TMEM132C: variants seen among roughly 807,000 people sequenced by gnomAD.
TMEM132C encodes transmembrane protein 132C.
TMEM132C carries 29 observed loss-of-function variants against 61.4 expected under a neutral mutation model. The ratio of observed to expected loss-of-function variants is 0.47; its 90% CI spans 0.35 to 0.64. The LOEUF (loss-of-function observed/expected upper bound fraction) is 0.64. TMEM132C is among the 30% of genes least tolerant of loss of function. The probability of loss-of-function intolerance (pLI) is 0.00; values close to 1 mark genes in which losing one functional copy is unlikely to be tolerated. For synonymous variants in TMEM132C, 656 were observed against 633.1 expected (o/e 1.04, Z -0.54); for missense variants, 1,408 against 1,476.9 (o/e 0.95, Z 0.76).
At chr12:128,648,265 C>T (rs1462467725) in intron 4 of TMEM132C, among the ~76,000 whole-genome samples, 8 of 151,130 alleles carry the variant, frequency 5.3e-5, no homozygotes, top group African/African-American at 1.9e-4. Context: ...TTACTGGAGT[C>T]CATCAGCGTT....
intron 2 of TMEM132C, among the ~76,000 whole-genome samples, chr12:128,490,102 T>C (rs1167428897): frequency 6.6e-6 from 1 of 152,108 alleles, no homozygotes; most frequent in African/African-American, 2.4e-5. Flanking sequence ...TGAATAAGCA[T>C]GAGTGGGAGG....
chr12:128,421,387 T>C (rs1868982810), intron 2 of TMEM132C, among the ~76,000 whole-genome samples: 1 of 152,200 alleles, frequency 6.6e-6, no homozygotes, highest in Non-Finnish European at 1.5e-5. Context: ...TCGAGGTCCA[T>C]TGCTGGATCT....
intron 1 of TMEM132C, among the ~76,000 whole-genome samples, chr12:128,366,019 A>G (rs1873856701): frequency 6.6e-6 from 1 of 152,246 alleles, no homozygotes; most frequent in South Asian, 2.1e-4. Context: ...GGCCGTGATT[A>G]AACACATTGC....
chr12:128,433,566 A>G (rs1222958268), intron 2 of TMEM132C, among the ~76,000 whole-genome samples: 1 of 152,190 alleles, frequency 6.6e-6, no homozygotes, highest in African/African-American at 2.4e-5. Context: ...GATTTTTCTT[A>G]TTGCAAAAAA....
intron 1 of TMEM132C, among the ~76,000 whole-genome samples, chr12:128,305,645 A>G (rs995188722): frequency 6.6e-6 from 1 of 152,000 alleles, no homozygotes; most frequent in African/African-American, 2.4e-5. Context: ...CTTATGCTCT[A>G]ATGGAAGAAT....
intron 1 of TMEM132C, among the ~76,000 whole-genome samples, chr12:128,325,579 A>C (rs1329105753): frequency 6.6e-6 from 1 of 152,226 alleles, no homozygotes; most frequent in Non-Finnish European, 1.5e-5. Context: ...AAAGTTACTT[A>C]AAATGTGCAG....
intron 2 of TMEM132C, among the ~76,000 whole-genome samples, chr12:128,514,342 G>T (rs1004285375): frequency 1.3e-5 from 2 of 152,196 alleles, no homozygotes; most frequent in African/African-American, 4.8e-5. Context: ...GTCTCCTTCA[G>T]TCTTCCTAAC....
At chr12:128,493,307 G>A (rs1259193473) in intron 2 of TMEM132C, among the ~76,000 whole-genome samples, 1 of 152,082 alleles carries the variant, frequency 6.6e-6, no homozygotes, top group Non-Finnish European at 1.5e-5. Context: ...TTGTTCCTTT[G>A]GCTTAGGATT....
At chr12:128,420,340 G>C (rs557717355) in intron 2 of TMEM132C, among the ~76,000 whole-genome samples, 9 of 152,322 alleles carry the variant, frequency 5.9e-5, no homozygotes, top group African/African-American at 2.2e-4. Context: ...TGAAAAAGTG[G>C]CATTTGAATC....
Position 128,414,979 on chromosome 12 carries a change from C to A in TMEM132C, c.333C>A (p.Asp111Glu), listed in dbSNP as rs752800024. ...CTGTGGAGAAGGTTGTGCCTCTGGA[C>A]TTGATGTTGACTTCAAACTTTTTAG... Reference protein sequence around the residue: ...PFSVEKVVPLDLMLTSNFLGP... With the variant: ...PFSVEKVVPLELMLTSNFLGP... The change falls in exon 2 of 9, where the codon GAC (aspartate) becomes GAA (glutamate). Residue 111 changes from aspartate (D) to glutamate (E), a missense_variant. Coordinates refer to ENST00000435159, the MANE Select transcript of TMEM132C (RefSeq NM_001136103.3). 5 of 1,551,936 alleles carry A rather than the reference C, an allele frequency of 3.2e-6. No homozygotes were observed. In the African/African-American group the frequency reaches 6.8e-5, roughly 21 times the overall value.
At chr12:128,628,962 C>T (rs1954042868) in intron 4 of TMEM132C, among the ~76,000 whole-genome samples, 1 of 152,110 alleles carries the variant, frequency 6.6e-6, no homozygotes, top group Non-Finnish European at 1.5e-5. Flanking sequence ...CATGTGAGAG[C>T]ATTGATCTAT....
intron 1 of TMEM132C, among the ~76,000 whole-genome samples, chr12:128,354,190 T>G (rs1873427189): frequency 3.3e-5 from 5 of 152,014 alleles, no homozygotes; most frequent in Admixed American, 2.6e-4. Flanking sequence ...AGACTGACTT[T>G]CTCGCATGAA....
chr12:128,445,282 A>G (rs1419740185), intron 2 of TMEM132C, among the ~76,000 whole-genome samples: 1 of 152,046 alleles, frequency 6.6e-6, no homozygotes, highest in East Asian at 1.9e-4. Flanking sequence ...TGCACATTTG[A>G]ACTGAATTGA....
chr12:128,378,034 A>G (rs1874255631), intron 1 of TMEM132C, among the ~76,000 whole-genome samples: 2 of 152,168 alleles, frequency 1.3e-5, no homozygotes, highest in African/African-American at 4.8e-5. Flanking sequence ...CAGGAACCCA[A>G]GCTGCCTCAC....
chr12:128,291,024 C>T lies in TMEM132C; in HGVS notation c.85+23537C>T, dbSNP rs181203035. On this transcript the variant is annotated intron_variant, in intron 1 of 8. Transcript: ENST00000435159. Reference sequence around the variant, plus strand: ...CTTTTCCACAATGAAAGCCACTGAACTGGAGCGTGCTGTAGGTGAGTGCAC... The same window carrying T: ...CTTTTCCACAATGAAAGCCACTGAATTGGAGCGTGCTGTAGGTGAGTGCAC... 2.5e-3 allele frequency among the ~76,000 whole-genome samples: 377 copies of T among 152,238 alleles called. 4 individuals are homozygous for T. Among genetic ancestry groups the T allele is most frequent in the African/African-American group, 8.9e-3 (370 of 41,550 alleles).
intron 2 of TMEM132C, among the ~76,000 whole-genome samples, chr12:128,527,898 T>G (rs1246238322): frequency 2.6e-5 from 4 of 152,176 alleles, no homozygotes; most frequent in Non-Finnish European, 5.9e-5. Context: ...CTTGAGCAAG[T>G]TTCTTAACCA....
chr12:128,326,446 T>C lies in TMEM132C; in HGVS notation c.85+58959T>C, dbSNP rs1340658111. Among the ~76,000 whole-genome samples the C allele has an allele frequency of 1.3e-5, 2 of 152,236 alleles. No individual in the cohort carries two copies. Among genetic ancestry groups the C allele is most frequent in the African/African-American group, 4.8e-5 (2 of 41,466 alleles). ...GACGCTTATCCCCCTCTGGTTCAGA[T>C]ATCTTTGCAAAGGCAGATGTACAAA... is the stretch of plus-strand genomic sequence containing the variant. On this transcript the variant is annotated intron_variant, in intron 1 of 8. Transcript: ENST00000435159. The surrounding 1 kb of genome is among the most constrained non-coding windows in gnomAD (Gnocchi z 5.6).
chr12:128,508,343 A>C (rs902842760), intron 2 of TMEM132C, among the ~76,000 whole-genome samples: 4 of 152,250 alleles, frequency 2.6e-5, no homozygotes, highest in African/African-American at 9.6e-5. Flanking sequence ...ATGGGAAAAC[A>C]ACTCAAGATG....
intron 3 of TMEM132C, among the ~76,000 whole-genome samples, chr12:128,582,612 A>G (rs544060418): frequency 6.6e-6 from 1 of 152,186 alleles, no homozygotes; most frequent in South Asian, 2.1e-4. Context: ...TAAGTCTCAC[A>G]AGATCTGATG....
Sources: gnomAD v4.1 joint callset for allele counts (sites outside exome capture counted in the v4.1 genomes callset) on GRCh38, gnomAD v4.1.1 for gene constraint, Gnocchi (gnomAD v3.1) non-coding constraint, MANE v1.5 for transcripts, NCBI Gene and HGNC (gene_info 2026-07-23, HGNC 2026-07-21) for gene names.